The following GALNTL6 variants were observed in gnomAD, a reference collection of about 807,000 sequenced individuals.
GALNTL6 encodes the protein polypeptide N-acetylgalactosaminyltransferase-like 6.
A neutral mutation model predicts 73.7 loss-of-function variants in GALNTL6; 46 were observed. The observed-to-expected ratio is 0.62, with a 90% CI of 0.49 to 0.80. The LOEUF is 0.80. Ranked by LOEUF, GALNTL6 falls within the 30% of genes least tolerant of loss-of-function variation. The probability of loss-of-function intolerance (pLI) is 0.00; values close to 1 mark genes in which losing one functional copy is unlikely to be tolerated. For missense variants in GALNTL6, 604 were observed against 755.0 expected (o/e 0.80, Z 2.34); for synonymous variants, 259 against 263.7 (o/e 0.98, Z 0.17).
At chr4:172,007,476 A>G (rs1262897481) in intron 2 of GALNTL6, among the ~76,000 whole-genome samples, 1 of 152,120 alleles carries the variant, frequency 6.6e-6, no homozygotes, top group Non-Finnish European at 1.5e-5. Context: ...GAATATTTTC[A>G]TTAACTTCAA....
At chr4:172,473,069 A>G (rs1179841186) in intron 5 of GALNTL6, among the ~76,000 whole-genome samples, 1 of 152,170 alleles carries the variant, frequency 6.6e-6, no homozygotes, top group African/African-American at 2.4e-5. Context: ...TAAATGCCTG[A>G]TAATTGCTTC....
At chr4:172,553,264 G>A (rs1736029578) in intron 5 of GALNTL6, among the ~76,000 whole-genome samples, 1 of 152,154 alleles carries the variant, frequency 6.6e-6, no homozygotes, top group Non-Finnish European at 1.5e-5. Context: ...AATATGTTTA[G>A]CTTCTTCAAA....
At chr4:172,736,833 G>C (rs183253075) in intron 5 of GALNTL6, among the ~76,000 whole-genome samples, 224 of 152,298 alleles carry the variant, frequency 1.5e-3, no homozygotes, top group Non-Finnish European at 2.6e-3. Flanking sequence ...TCCCGCAATA[G>C]TGGGTCTTTC....
chr4:172,775,003 A>AT (rs1738996460), intron 5 of GALNTL6, among the ~76,000 whole-genome samples: 2 of 144,148 alleles, frequency 1.4e-5, no homozygotes, highest in African/African-American at 5.1e-5. Flanking sequence ...AATAATAATA[A>AT]AATCCAGAAG....
At chr4:171,904,084 C>A (rs1310882810) in intron 2 of GALNTL6, among the ~76,000 whole-genome samples, 1 of 152,144 alleles carries the variant, frequency 6.6e-6, no homozygotes, top group African/African-American at 2.4e-5. Flanking sequence ...AAAAGCAGAG[C>A]GCCTCTCCTC....
At chr4:172,248,795 T>C (rs1352234117) in intron 3 of GALNTL6, among the ~76,000 whole-genome samples, 1 of 152,176 alleles carries the variant, frequency 6.6e-6, no homozygotes, top group Non-Finnish European at 1.5e-5. Context: ...TTGGTTCTCA[T>C]TCTTCTCTTT....
At chr4:172,903,958 A>T (rs1746753891) in intron 8 of GALNTL6, among the ~76,000 whole-genome samples, 1 of 152,128 alleles carries the variant, frequency 6.6e-6, no homozygotes, top group South Asian at 2.1e-4. Flanking sequence ...CATAGCACCC[A>T]ATTGTTAGTT....
intron 2 of GALNTL6, among the ~76,000 whole-genome samples, chr4:172,218,035 T>C (rs1097438): frequency 0.53 from 79,882 of 151,844 alleles, 22,438 homozygotes; most frequent in East Asian, 0.86. Flanking sequence ...GTTTTTATAC[T>C]GTAACCCTAT....
intron 4 of GALNTL6, among the ~76,000 whole-genome samples, chr4:172,318,667 A>C (rs1740651852): frequency 6.6e-6 from 1 of 151,956 alleles, no homozygotes; most frequent in Non-Finnish European, 1.5e-5. Context: ...GCACCATTGC[A>C]CTCTGGCCTG....
intron 5 of GALNTL6, among the ~76,000 whole-genome samples, chr4:172,709,912 G>T (rs558603552): frequency 2.6e-5 from 4 of 151,888 alleles, no homozygotes; most frequent in South Asian, 4.2e-4. Context: ...TGATTGTACC[G>T]CATTGACAAG....
At chr4:172,260,545 G>C (rs1392803107) in intron 3 of GALNTL6, among the ~76,000 whole-genome samples, 1 of 151,062 alleles carries the variant, frequency 6.6e-6, no homozygotes, top group Admixed American at 6.6e-5. Flanking sequence ...TCATATCTTT[G>C]GCAAACAGCT....
At chr4:172,412,290 C>T (rs920939229) in intron 5 of GALNTL6, among the ~76,000 whole-genome samples, 16 of 152,158 alleles carry the variant, frequency 1.1e-4, no homozygotes, top group African/African-American at 3.9e-4. Flanking sequence ...CATCCACTCA[C>T]CTTGGCCTCC....
chr4:172,534,818 G>A (rs1265245858), intron 5 of GALNTL6, among the ~76,000 whole-genome samples: 6 of 152,036 alleles, frequency 3.9e-5, no homozygotes, highest in Non-Finnish European at 5.9e-5. Context: ...TGCCCACCTC[G>A]GCCTCCCAAA....
At chr4:172,981,683 C>A (rs1483202960) in intron 10 of GALNTL6, among the ~76,000 whole-genome samples, 1 of 151,398 alleles carries the variant, frequency 6.6e-6, no homozygotes, top group East Asian at 1.9e-4. Flanking sequence ...TATTTTGGGT[C>A]CCTTGAGATT....
intron 2 of GALNTL6, among the ~76,000 whole-genome samples, chr4:172,100,358 T>C (rs1732476240): frequency 6.6e-6 from 1 of 152,140 alleles, no homozygotes; most frequent in East Asian, 1.9e-4. Context: ...TTCTGTTAAC[T>C]GAGTTTCAGT....
chr4:172,393,873 A>G (rs1579029812), intron 5 of GALNTL6, among the ~76,000 whole-genome samples: 1 of 152,164 alleles, frequency 6.6e-6, no homozygotes, highest in African/African-American at 2.4e-5. Flanking sequence ...TTTTATATTT[A>G]TGTTCAATTT....
intron 4 of GALNTL6, among the ~76,000 whole-genome samples, chr4:172,337,201 G>T (rs1030093484): frequency 6.6e-6 from 1 of 151,866 alleles, no homozygotes. Context: ...GCTGCTGGAC[G>T]GGTCATTTTT....
At chr4:172,463,120 A>G (rs941222522) in intron 5 of GALNTL6, among the ~76,000 whole-genome samples, 3 of 152,218 alleles carry the variant, frequency 2.0e-5, no homozygotes. Context: ...AAGATAAATA[A>G]TGAGAGCTGT....
At chr4:172,393,356 T>A (rs986540493) in intron 5 of GALNTL6, among the ~76,000 whole-genome samples, 1 of 152,176 alleles carries the variant, frequency 6.6e-6, no homozygotes, top group African/African-American at 2.4e-5. Flanking sequence ...GTGCCTCCTC[T>A]GCTTCTTTTT....
Sources: allele counts gnomAD v4.1 joint callset (sites outside exome capture counted in the v4.1 genomes callset), GRCh38; gene constraint gnomAD v4.1.1; transcripts MANE v1.5; gene names NCBI Gene and HGNC (gene_info 2026-07-23, HGNC 2026-07-21).